ARHGAP35: variants seen among roughly 807,000 people sequenced by gnomAD.
The protein encoded by ARHGAP35 is Rho GTPase activating protein 35, also known as rho GTPase-activating protein 35.
A neutral mutation model predicts 111.1 loss-of-function variants in ARHGAP35; 15 were observed. The ratio of observed to expected loss-of-function variants is 0.13; its 90% CI spans 0.09 to 0.21. ARHGAP35 has a LOEUF of 0.21. ARHGAP35 is among the 10% of genes least tolerant of loss of function. The pLI is 1.00. For synonymous variants in ARHGAP35, 643 were observed against 710.3 expected, an observed-to-expected ratio of 0.91 and a Z score of 1.51; for missense variants, 1,262 against 1,873.0, an observed-to-expected ratio of 0.67 and a Z score of 6.02.
chr19:46,888,028 T>C (rs1301964769), intron 1 of ARHGAP35, among the ~76,000 whole-genome samples: 1 of 150,388 alleles, frequency 6.6e-6, no homozygotes, highest in Non-Finnish European at 1.5e-5. Context: ...CTCGGCTTAC[T>C]GCAAGCTCCG....
rs1231174348 is a variant in ARHGAP35 at position 46,926,595 on chromosome 19, T to G, written c.3681+4239T>G. Among the ~76,000 whole-genome samples the G allele has an allele frequency of 6.6e-6, 1 of 152,142 alleles. No homozygotes were observed. Among genetic ancestry groups the G allele is most frequent in the Non-Finnish European group, 1.5e-5 (1 of 68,022 alleles). On this transcript the variant is annotated intron_variant, in intron 2 of 6. Coordinates refer to ENST00000672722, the MANE Select transcript of ARHGAP35 (RefSeq NM_004491.5). This position sits in a 1 kb window ranked among gnomAD's most constrained non-coding sequence, Gnocchi z 4.1. ...TAAAAAGAAGACATTATTGGCTATT[T>G]ACCCTTCTATCTGATGTGTTCTTAT...
intron 2 of ARHGAP35, among the ~76,000 whole-genome samples, chr19:46,934,418 A>C (rs1215288047): frequency 6.6e-6 from 1 of 152,136 alleles, no homozygotes; most frequent in African/African-American, 2.4e-5. Context: ...CCCAGGCTGG[A>C]GTGCAATGGC....
chr19:46,874,992 A>G (rs1599793060), intron 1 of ARHGAP35, among the ~76,000 whole-genome samples: 1 of 143,912 alleles, frequency 6.9e-6, no homozygotes, highest in South Asian at 2.3e-4. Context: ...TTGTATTTTT[A>G]GTAGAGACGG....
intron 5 of ARHGAP35, among the ~76,000 whole-genome samples, chr19:46,995,246 C>T (rs2056701259): frequency 6.6e-6 from 1 of 152,186 alleles, no homozygotes; most frequent in Admixed American, 6.5e-5. Flanking sequence ...GAAACCCCGT[C>T]TCTACTAAAA....
chr19:46,973,420 G>A (rs1042849143), intron 3 of ARHGAP35, among the ~76,000 whole-genome samples: 15 of 152,146 alleles, frequency 9.9e-5, no homozygotes, highest in Non-Finnish European at 1.9e-4. Flanking sequence ...AGTGGCTCAC[G>A]CCTGTAATCC....
In ARHGAP35 at chr19:46,988,497, G is replaced by C. The variant is rs1433243397; in HGVS notation, c.3904+431G>C. 1 of 184,672 alleles carries C rather than the reference G, an allele frequency of 5.4e-6. No homozygotes were observed. Among genetic ancestry groups the C allele is most frequent in the Non-Finnish European group, 1.1e-5 (1 of 87,262 alleles). 11.4% of individuals were successfully genotyped at this position (184,672 alleles called of 1,614,324 possible). A position where few individuals can be genotyped will look rare whatever the true frequency, so the allele number is the denominator to read the frequency against. ...AAGTCCCAGCACCAGAGAAAGTGAGGGACCATCGTGTGAGGAGCTGAGCCC... is the reference window on the plus strand; with the variant it reads ...AAGTCCCAGCACCAGAGAAAGTGAGCGACCATCGTGTGAGGAGCTGAGCCC... On this transcript the variant is annotated intron_variant, in intron 4 of 6. Coordinates refer to ENST00000672722, the MANE Select transcript of ARHGAP35 (RefSeq NM_004491.5). This position sits in a 1 kb window ranked among gnomAD's most constrained non-coding sequence, Gnocchi z 5.4.
At chr19:46,899,104 G>T (rs1158568404) in intron 1 of ARHGAP35, among the ~76,000 whole-genome samples, 1 of 152,162 alleles carries the variant, frequency 6.6e-6, no homozygotes, top group East Asian at 1.9e-4. Context: ...ATGTAGAAGG[G>T]CGCGTTTGAC....
rs1212657014 is a variant in ARHGAP35, at chr19:46,989,533, C to T, written c.3905-11C>T. On this transcript the variant is annotated splice_polypyrimidine_tract_variant and intron_variant, in intron 4 of 6. Coordinates refer to ENST00000672722, the MANE Select transcript of ARHGAP35 (RefSeq NM_004491.5). This position sits in a 1 kb window ranked among gnomAD's most constrained non-coding sequence, Gnocchi z 5.3. ...GAATGGTTTGGCCTCACTCTCCTGA[C>T]TTCCTTTCAGACCACAACCTGGACC... 3 of 1,613,632 alleles carry T rather than the reference C, an allele frequency of 1.9e-6. No homozygotes were observed. The highest frequency in any genetic ancestry group is 2.5e-6 in the Non-Finnish European group (3 of 1,179,730).
At position 46,921,277 on chromosome 19, in the gene ARHGAP35, G is replaced by T. The variant is rs1197050017; in HGVS notation, c.2602G>T (p.Ala868Ser). 1.2e-6 allele frequency: 2 copies of T among 1,613,982 alleles called. No individual in the cohort carries two copies. The highest frequency in any genetic ancestry group is 1.7e-6 in the Non-Finnish European group (2 of 1,179,886). The change falls in exon 2 of 7, where the codon GCT (alanine) becomes TCT (serine). Residue 868 changes from alanine to serine, a missense_variant. Around this residue, in one of 8 missense-constraint regions of ARHGAP35, gnomAD observed 579 missense variants for 716.9 expected, o/e 0.81. Coordinates refer to ENST00000672722, the MANE Select transcript of ARHGAP35 (RefSeq NM_004491.5). This position sits in a 1 kb window ranked among gnomAD's most constrained non-coding sequence, Gnocchi z 4.3. ...TTCAGCCAAACGTAAGGCCTCTTTG[G>T]CTATGTTACGTGCCTTTCTTTGTGA... The part of the protein sequence containing the change: ...FYSAKRKASL[A>S]MLRAFLCEVQ...
intron 3 of ARHGAP35, among the ~76,000 whole-genome samples, chr19:46,963,370 T>A (rs537451090): frequency 6.6e-6 from 1 of 152,360 alleles, no homozygotes; most frequent in East Asian, 1.9e-4. Flanking sequence ...GTGGGCACTC[T>A]CTCAGCAGAA....
intron 1 of ARHGAP35, among the ~76,000 whole-genome samples, chr19:46,895,548 G>A (rs1018049250): frequency 8.5e-5 from 13 of 152,210 alleles, no homozygotes; most frequent in Non-Finnish European, 1.8e-4. Context: ...ACAATTTAAT[G>A]CTCAGGCAAG....
At chr19:46,897,695 CAAA>C (rs11434545) in intron 1 of ARHGAP35, among the ~76,000 whole-genome samples, 9 of 133,690 alleles carry the variant, frequency 6.7e-5, no homozygotes, top group Non-Finnish European at 4.8e-5. Flanking sequence ...GATCTTTAAC[CAAA>C]AAAAAAAAAA....
intron 1 of ARHGAP35, among the ~76,000 whole-genome samples, chr19:46,870,359 C>T (rs2055881325): frequency 6.6e-6 from 1 of 151,660 alleles, no homozygotes; most frequent in African/African-American, 2.4e-5. Context: ...GCGGGTGGAT[C>T]ACGAGGTCAG....
chr19:46,904,665 T>C (rs558438823), intron 1 of ARHGAP35, among the ~76,000 whole-genome samples: 16 of 152,280 alleles, frequency 1.1e-4, no homozygotes, highest in African/African-American at 3.9e-4. Context: ...TATGACCAGG[T>C]TGGAGTTGGC....
At chr19:46,967,568 C>T (rs1040869128) in intron 3 of ARHGAP35, among the ~76,000 whole-genome samples, 10 of 152,218 alleles carry the variant, frequency 6.6e-5, no homozygotes, top group Non-Finnish European at 1.0e-4. Context: ...ATGCACACTG[C>T]TGCAAATATC....
chr19:46,871,186 GTGT>G (rs2055885592), intron 1 of ARHGAP35, among the ~76,000 whole-genome samples: 1 of 152,092 alleles, frequency 6.6e-6, no homozygotes, highest in Non-Finnish European at 1.5e-5. Context: ...TTTTCTACTC[GTGT>G]TGTTAATTCC....
At chr19:46,956,357 A>G (rs962941486) in intron 3 of ARHGAP35, among the ~76,000 whole-genome samples, 3 of 152,006 alleles carry the variant, frequency 2.0e-5, no homozygotes, top group Non-Finnish European at 2.9e-5. Flanking sequence ...TGCTGTGTGT[A>G]TAAGGTATAT....
intron 1 of ARHGAP35, among the ~76,000 whole-genome samples, chr19:46,895,418 G>A (rs1327778319): frequency 6.6e-6 from 1 of 152,168 alleles, no homozygotes; most frequent in Non-Finnish European, 1.5e-5. Flanking sequence ...ACCCGCCTCG[G>A]CCTCCCAAAG....
At chr19:46,966,440 T>C (rs2056515561) in intron 3 of ARHGAP35, among the ~76,000 whole-genome samples, 1 of 152,110 alleles carries the variant, frequency 6.6e-6, no homozygotes, top group African/African-American at 2.4e-5. Context: ...TCCTGGCTGA[T>C]TGGGAGACTG....
Sources: gnomAD v4.1 joint callset for allele counts (sites outside exome capture counted in the v4.1 genomes callset) on GRCh38, gnomAD v4.1.1 for gene constraint, gnomAD v4.1.1 regional missense constraint, Gnocchi (gnomAD v3.1) non-coding constraint, MANE v1.5 for transcripts, NCBI Gene and HGNC (gene_info 2026-07-23, HGNC 2026-07-21) for gene names.